LRP5: variants seen among roughly 807,000 people sequenced by gnomAD.
The protein encoded by LRP5 is LDL receptor related protein 5, also known as low-density lipoprotein receptor-related protein 5.
In LRP5, 62 loss-of-function variants were observed where a neutral mutation model predicts 154.1. The ratio of observed to expected loss-of-function variants is 0.40; its 90% confidence interval spans 0.33 to 0.50. The LOEUF (loss-of-function observed/expected upper bound fraction) is 0.50, where lower values mean the gene tolerates loss of function less well. Ranked by LOEUF, LRP5 falls within the 20% of genes least tolerant of loss-of-function variation. LRP5 has a pLI of 0.55. For synonymous variants in LRP5, 966 were observed against 1,011.5 expected, an observed-to-expected ratio of 0.96 and a Z score of 0.85; for missense variants, 1,915 against 2,336.7, an observed-to-expected ratio of 0.82 and a Z score of 3.72.
rs76634040 is a variant in LRP5 at position 68,413,379 on chromosome 11, G to C, written c.2504-310G>C. 2.6e-5 allele frequency among the ~76,000 whole-genome samples: 4 copies of C among 152,324 alleles called. No individual in the cohort carries two copies. The East Asian group carries it at 7.7e-4, about 29-fold the overall frequency. ...ATAACATGGAAGGCCTGGTCTCATT[G>C]CTGTGGGAGTGAAGGATGCACAGCC... On this transcript the variant is annotated intron_variant, in intron 11 of 22. Transcript: ENST00000294304. This position sits in a 1 kb window ranked among gnomAD's most constrained non-coding sequence, Gnocchi z 5.1.
In LRP5 at chr11:68,449,019, C is replaced by A; in HGVS notation, c.4797C>A (p.Ser1599Arg). The change falls in exon 23 of 23, where the codon AGC (serine) becomes AGA (arginine). Residue 1599 changes from serine to arginine, a missense_variant. Transcript: ENST00000294304. ...CGCCCTCGCCCGCCACCGAGAGGAG[C>A]TACTTCCATCTCTTCCCGCCCCCTC... ...SCPPSPATER[S>R]YFHLFPPPPS... 1 of 1,594,398 alleles carries A rather than the reference C, an allele frequency of 6.3e-7. No homozygotes were observed. The highest frequency in any genetic ancestry group is 8.5e-7 in the Non-Finnish European group (1 of 1,173,738).
chr11:68,301,967 C>T, the LRP5 span, among the ~76,000 whole-genome samples: 1 of 151,548 alleles, frequency 6.6e-6, no homozygotes, highest in East Asian at 1.9e-4. Flanking sequence ...TTAAGCAGGA[C>T]ATGATCAATC....
chr11:68,342,653 A>T (rs2098609796), intron 1 of LRP5, among the ~76,000 whole-genome samples: 1 of 152,136 alleles, frequency 6.6e-6, no homozygotes, highest in African/African-American at 2.4e-5. Flanking sequence ...GGCTCCTGGA[A>T]AGAGCCTGCC....
In LRP5 at chr11:68,426,103, G is replaced by A. The variant is rs375557997; in HGVS notation, c.3553G>A (p.Gly1185Arg). 35 of 1,613,268 alleles carry A rather than the reference G, an allele frequency of 2.2e-5. No individual in the cohort carries two copies. The Middle Eastern group carries it at 4.9e-4, about 23-fold the overall frequency. Residue 1185 changes from glycine (G) to arginine (R), a missense_variant, in exon 16 of 23, where the codon GGG (glycine) becomes AGG (arginine). Physicochemically the swap from Gly to Arg is moderately radical, Grantham distance 125. Transcript: ENST00000294304. Reference protein sequence around the residue: ...QMIERVEKTTGDKRTRIQGRV... With the variant: ...QMIERVEKTTRDKRTRIQGRV... ...GATCGAGCGTGTGGAGAAGACCACC[G>A]GGGACAAGCGGACTCGCATCCAGGG... is the stretch of plus-strand genomic sequence containing the variant.
chr11:68,428,816 C>G, intron 16 of LRP5, among the ~76,000 whole-genome samples: 1 of 134,024 alleles, frequency 7.5e-6, no homozygotes. Flanking sequence ...TGTGGTAGTT[C>G]ACGCCTGTAA....
intron 5 of LRP5, among the ~76,000 whole-genome samples, chr11:68,376,037 A>G (rs1175823932): frequency 1.3e-5 from 2 of 152,188 alleles, no homozygotes; most frequent in African/African-American, 4.8e-5. Context: ...TATTTTGGCT[A>G]CTGCCACTGA....
In LRP5 at chr11:68,425,262, C is replaced by T; in HGVS notation, c.3397C>T (p.Leu1133=). Residue 1133 remains leucine (L), a synonymous_variant, in exon 15 of 23, where the codon CTG becomes TTG. Transcript: ENST00000294304. The part of the protein sequence containing the change: ...LGKLFWVDAD[L]KRIESCDLSG... ...CAAGCTGTTCTGGGTGGACGCGGACCTGAAGCGCATTGAGAGCTGTGACCT... is the reference window on the plus strand; with the variant it reads ...CAAGCTGTTCTGGGTGGACGCGGACTTGAAGCGCATTGAGAGCTGTGACCT... The T allele has an allele frequency of 6.2e-7, 1 of 1,610,700 alleles. No homozygotes were observed. Among genetic ancestry groups the T allele is most frequent in the Non-Finnish European group, 8.5e-7 (1 of 1,179,976 alleles).
intron 3 of LRP5, among the ~76,000 whole-genome samples, chr11:68,363,060 T>C (rs1212528399): frequency 6.6e-6 from 1 of 152,270 alleles, no homozygotes; most frequent in African/African-American, 2.4e-5. Context: ...AGAATAGCTG[T>C]TTCTCGGGTT....
chr11:68,414,609 T>C (rs1438004334), intron 12 of LRP5, among the ~76,000 whole-genome samples: 1 of 152,040 alleles, frequency 6.6e-6, no homozygotes, highest in Non-Finnish European at 1.5e-5. Flanking sequence ...GACTTTCCTA[T>C]GGCCCCTCTG....
At position 68,345,054 on chromosome 11, in the gene LRP5, G is replaced by C. The variant is rs373806362; in HGVS notation, c.92-2793G>C. Among the ~76,000 whole-genome samples the C allele has an allele frequency of 5.9e-5, 9 of 151,446 alleles. No individual in the cohort carries two copies. In the South Asian group the frequency reaches 8.4e-4, roughly 14 times the overall value. On this transcript the variant is annotated intron_variant, in intron 1 of 22. Transcript: ENST00000294304. ...ATTTTTGTATTTTTTGTGGAGGCAG[G>C]GTTTCACCATCTTGGCCAGGCTGGT...
chr11:68,414,896 G>A (rs186974584), intron 12 of LRP5, among the ~76,000 whole-genome samples: 15 of 152,342 alleles, frequency 9.8e-5, no homozygotes, highest in African/African-American at 3.4e-4. Flanking sequence ...TGCCTGGGCT[G>A]TCTTTGGTCC....
the LRP5 span, among the ~76,000 whole-genome samples, chr11:68,303,445 A>C: frequency 6.6e-6 from 1 of 152,220 alleles, no homozygotes; most frequent in South Asian, 2.1e-4. Context: ...AAGTTTGAAC[A>C]TAAGAGGGAT....
intron 1 of LRP5, among the ~76,000 whole-genome samples, chr11:68,322,295 GTGCATAT>G (rs2098597203): frequency 6.6e-6 from 1 of 152,190 alleles, no homozygotes; most frequent in South Asian, 2.1e-4. Flanking sequence ...AGGCCCTGCG[GTGCATAT>G]TCAGTGAAAG....
intron 5 of LRP5, among the ~76,000 whole-genome samples, chr11:68,381,231 A>C (rs1003430385): frequency 1.3e-5 from 2 of 152,198 alleles, no homozygotes. Flanking sequence ...CTGTCCCTGC[A>C]GACGTCTTGA....
chr11:68,353,378 G>A lies in LRP5; in HGVS notation c.489-4272G>A, dbSNP rs1200589732. On this transcript the variant is annotated intron_variant, in intron 2 of 22. Transcript: ENST00000294304. The surrounding 1 kb of genome is among the most constrained non-coding windows in gnomAD (Gnocchi z 4.5). ...CATCAGATCCAGTGATGCTGATGAC[G>A]CCAGCCATGGTCCTACCCTGAGGTG... 4.6e-5 allele frequency among the ~76,000 whole-genome samples: 7 copies of A among 152,276 alleles called. No homozygotes were observed. The highest frequency in any genetic ancestry group is 2.1e-4 in the South Asian group (1 of 4,822).
chr11:68,337,061 A>G (rs1431721053), intron 1 of LRP5, among the ~76,000 whole-genome samples: 1 of 152,228 alleles, frequency 6.6e-6, no homozygotes, highest in East Asian at 1.9e-4. Flanking sequence ...GCCAGCGTTG[A>G]TCTTTGTGGA....
chr11:68,419,578 C>T (rs568063785), intron 13 of LRP5, among the ~76,000 whole-genome samples: 5 of 133,970 alleles, frequency 3.7e-5, no homozygotes, highest in Non-Finnish European at 6.4e-5. Context: ...CTCACTCTAT[C>T]GCCCAGGCTG....
At chr11:68,342,209 G>A (rs2098609578) in intron 1 of LRP5, among the ~76,000 whole-genome samples, 2 of 152,020 alleles carry the variant, frequency 1.3e-5, no homozygotes, top group South Asian at 2.1e-4. Context: ...TGTGAGCTAC[G>A]GAGCCGGCCC....
At chr11:68,314,411 T>G (rs2098591406) in intron 1 of LRP5, among the ~76,000 whole-genome samples, 1 of 152,128 alleles carries the variant, frequency 6.6e-6, no homozygotes, top group Admixed American at 6.6e-5. Context: ...GGAGCCCCAG[T>G]GAATGTGGTG....
Sources: gnomAD v4.1 joint callset for allele counts (sites outside exome capture counted in the v4.1 genomes callset) on GRCh38, gnomAD v4.1.1 for gene constraint, Gnocchi (gnomAD v3.1) non-coding constraint, MANE v1.5 for transcripts, NCBI Gene and HGNC (gene_info 2026-07-23, HGNC 2026-07-21) for gene names.